Variants in RXYLT1 observed in about 807,000 individuals in gnomAD.
RXYLT1 encodes the protein ribitol xylosyltransferase 1, also known as ribitol-5-phosphate xylosyltransferase 1.
Under a neutral mutation model 43.5 loss-of-function variants are expected in RXYLT1, and 41 were observed. That is an observed-to-expected ratio of 0.94 (90% CI 0.73 to 1.22). RXYLT1 has a LOEUF of 1.22. RXYLT1 is among the 50% of genes most tolerant of loss of function. RXYLT1 has a pLI of 0.00. For synonymous variants in RXYLT1, 166 were observed against 194.4 expected, an observed-to-expected ratio of 0.85 and a Z score of 1.21; for missense variants, 514 against 532.0, an observed-to-expected ratio of 0.97 and a Z score of 0.33.
Position 63,787,186 on chromosome 12 carries a change from CTTTA to C in RXYLT1, c.428+2117_428+2120del, listed in dbSNP as rs1366518549. On this transcript the variant is annotated intron_variant, in intron 3 of 5. Coordinates refer to ENST00000261234, the MANE Select transcript of RXYLT1 (RefSeq NM_014254.3). ...CTACATTTTTGGAATATTCTGAATCCTTTATTGTCACTTCACCAATGTTCACAAC... is the reference window on the plus strand; with the variant it reads ...CTACATTTTTGGAATATTCTGAATCCTTGTCACTTCACCAATGTTCACAAC... Among the ~76,000 whole-genome samples, 10 of 152,260 alleles carry C rather than the reference CTTTA, an allele frequency of 6.6e-5. No individual in the cohort carries two copies. The East Asian group carries it at 1.9e-3, about 29-fold the overall frequency.
chr12:63,780,044 C>G lies in RXYLT1; in HGVS notation c.84C>G (p.Phe28Leu), dbSNP rs200123669. ...CCCTCTACGCTGCCTACCACGTCTTCTTCGGGCGCCGCCGCCAGGCGCCGG... is the reference window on the plus strand; with the variant it reads ...CCCTCTACGCTGCCTACCACGTCTTGTTCGGGCGCCGCCGCCAGGCGCCGG... Reference protein sequence around the residue: ...LFSLYAAYHVFFGRRRQAPAG... With the variant: ...LFSLYAAYHVLFGRRRQAPAG... Residue 28 changes from phenylalanine to leucine, a missense_variant, in exon 1 of 6, where the codon TTC (phenylalanine) becomes TTG (leucine). By Grantham distance (22) the Phe-to-Leu change is conservative (BLOSUM62 0). Transcript: ENST00000261234. 3 of 1,607,214 alleles carry G rather than the reference C, an allele frequency of 1.9e-6. No homozygotes were observed. Among genetic ancestry groups the G allele is most frequent in the Non-Finnish European group, 2.5e-6 (3 of 1,178,034 alleles).
At chr12:63,807,427 C>T (rs2136234340) in intron 5 of RXYLT1, 1 of 152,356 alleles carries the variant, frequency 6.6e-6, no homozygotes, top group South Asian at 2.1e-4. Context: ...TCTTATATTT[C>T]CCTTGTCCAT....
chr12:63,808,829 A>G lies in RXYLT1; in HGVS notation c.1069A>G (p.Met357Val). Residue 357 changes from methionine (M) to valine (V), a missense_variant, in exon 6 of 6, where the codon ATG becomes GTG. Physicochemically the swap from Met to Val is conservative, Grantham distance 21. Coordinates refer to ENST00000261234, the MANE Select transcript of RXYLT1 (RefSeq NM_014254.3). The stretch of plus-strand genomic sequence containing the variant: ...CTCCATTCCTGTGGTGGAAGACGTG[A>G]TGACAGCTGGCAACTGTGGGAATAC... Reference protein sequence around the residue: ...YGSIPVVEDVMTAGNCGNTSV... With the variant: ...YGSIPVVEDVVTAGNCGNTSV... 1 of 1,614,148 alleles carries G rather than the reference A, an allele frequency of 6.2e-7. No homozygotes were observed. The highest frequency in any genetic ancestry group is 8.5e-7 in the Non-Finnish European group (1 of 1,180,014).
chr12:63,802,453 T>A (rs761237366), intron 4 of RXYLT1, 48 bp downstream of exon 4: 1 of 1,481,852 alleles, frequency 6.7e-7, no homozygotes, highest in Admixed American at 2.4e-5. Context: ...ACACCTGAAT[T>A]TCTGAACCAG....
chr12:63,784,053 A>G (rs1897747229), intron 2 of RXYLT1, among the ~76,000 whole-genome samples: 1 of 152,214 alleles, frequency 6.6e-6, no homozygotes, highest in Non-Finnish European at 1.5e-5. Context: ...TAGATAATCT[A>G]TAATAATCTC....
chr12:63,802,287 G>A lies in RXYLT1; in HGVS notation c.625G>A (p.Glu209Lys), dbSNP rs1233948249. The A allele has an allele frequency of 8.1e-6, 13 of 1,613,988 alleles. No homozygotes were observed. Among genetic ancestry groups the A allele is most frequent in the African/African-American group, 6.7e-5 (5 of 74,936 alleles). ...VLLGNEHCDNEWINPFLKRNG... is the reference protein window; with the variant it reads ...VLLGNEHCDNKWINPFLKRNG... ...GCTCGGAAATGAACATTGTGATAAT[G>A]AGTGGATAAACCCATTCCTCAAAAG... Residue 209 changes from glutamate (E) to lysine (K), a missense_variant, in exon 4 of 6, where the codon GAG (glutamate) becomes AAG (lysine). Glu to Lys is a moderately conservative substitution (Grantham distance 56, BLOSUM62 1). Coordinates refer to ENST00000261234, the MANE Select transcript of RXYLT1 (RefSeq NM_014254.3).
intron 3 of RXYLT1, among the ~76,000 whole-genome samples, chr12:63,790,126 T>A (rs1162510498): frequency 6.6e-6 from 1 of 152,132 alleles, no homozygotes; most frequent in African/African-American, 2.4e-5. Flanking sequence ...AAGAATGAAT[T>A]CCAGCATACC....
chr12:63,790,166 TGTCA>T (rs1202405539), intron 3 of RXYLT1, among the ~76,000 whole-genome samples: 2 of 152,196 alleles, frequency 1.3e-5, no homozygotes, highest in African/African-American at 2.4e-5. Flanking sequence ...GAAAGAGAGC[TGTCA>T]GTCAGGCCAT....
At position 63,781,155 on chromosome 12, in the gene RXYLT1, C is replaced by A. The variant is rs1268911396; in HGVS notation, c.306C>A (p.Ile102=). ...TKGKTDLSVQ[I]WGKAAIGLYL... Reference sequence around the variant, plus strand: ...GAAAAACAGATCTCAGTGTACAAATCTGGGGCAAAGCTGCCATTGGTAAGT... The same window carrying A: ...GAAAAACAGATCTCAGTGTACAAATATGGGGCAAAGCTGCCATTGGTAAGT... Residue 102 remains isoleucine (I), a synonymous_variant, in exon 2 of 6, where the codon ATC becomes ATA. Coordinates refer to ENST00000261234, the MANE Select transcript of RXYLT1 (RefSeq NM_014254.3). 1.3e-6 allele frequency: 2 copies of A among 1,579,976 alleles called. No individual in the cohort carries two copies. Among genetic ancestry groups the A allele is most frequent in the African/African-American group, 1.4e-5 (1 of 73,372 alleles).
Position 63,802,538 on chromosome 12 carries a change from T to C in RXYLT1, c.743+133T>C, listed in dbSNP as rs1592853871. 9.3e-6 allele frequency: 7 copies of C among 756,524 alleles called. No individual in the cohort carries two copies. The East Asian group carries it at 2.0e-4, about 22-fold the overall frequency. The allele number at this position is 756,524 out of a possible 1,614,324, so 46.9% of individuals were successfully genotyped here. ...GGCCAGGTACAGTCTTTCTCAGAGATAAAAACAGGGTGTGGTCGCATCCTT... is the reference window on the plus strand; with the variant it reads ...GGCCAGGTACAGTCTTTCTCAGAGACAAAAACAGGGTGTGGTCGCATCCTT... On this transcript the variant is annotated intron_variant, in intron 4 of 5. Coordinates refer to ENST00000261234, the MANE Select transcript of RXYLT1 (RefSeq NM_014254.3).
chr12:63,801,602 T>G (rs962824164), intron 3 of RXYLT1, among the ~76,000 whole-genome samples: 1 of 152,116 alleles, frequency 6.6e-6, no homozygotes, highest in Non-Finnish European at 1.5e-5. Flanking sequence ...GGTGGATTGC[T>G]TCAGCCAAGG....
rs1268267577 is a variant in RXYLT1, at chr12:63,794,543, C to T, written c.429-7548C>T. Among the ~76,000 whole-genome samples, 7 of 152,302 alleles carry T rather than the reference C, an allele frequency of 4.6e-5. No individual in the cohort carries two copies. In the South Asian group the frequency reaches 1.2e-3, roughly 27 times the overall value. On this transcript the variant is annotated intron_variant, in intron 3 of 5. Transcript: ENST00000261234. ...CTCCTTCCTAGTCTACGGAAATGGG[C>T]ATTAGTGTCTCCTTGCAAACTCAGA...
chr12:63,789,787 A>G (rs891936815), intron 3 of RXYLT1, among the ~76,000 whole-genome samples: 4 of 152,198 alleles, frequency 2.6e-5, no homozygotes, highest in East Asian at 1.9e-4. Flanking sequence ...TTTATCCAAA[A>G]TTAATAAACT....
intron 5 of RXYLT1, chr12:63,806,963 C>G (rs902555646): frequency 6.6e-6 from 1 of 152,456 alleles, no homozygotes; most frequent in Non-Finnish European, 1.5e-5. Context: ...ACCTCCCCTC[C>G]TCCAATAATC....
intron 4 of RXYLT1, 80 bp downstream of exon 4, chr12:63,802,485 A>T: frequency 7.3e-7 from 1 of 1,370,932 alleles, no homozygotes; most frequent in Non-Finnish European, 9.8e-7. Context: ...CAAAATTGTA[A>T]TAAATTTAGT....
chr12:63,780,155 C>A, intron 1 of RXYLT1, 26 bp downstream of exon 1: 1 of 1,441,658 alleles, frequency 6.9e-7, no homozygotes, highest in South Asian at 1.5e-5. Flanking sequence ...CGGCTTCCTT[C>A]CGGCTCTGCG....
chr12:63,792,829 TGATA>T (rs2136226189), intron 3 of RXYLT1, among the ~76,000 whole-genome samples: 1 of 152,328 alleles, frequency 6.6e-6, no homozygotes, highest in Non-Finnish European at 1.5e-5. Context: ...CCCTTTAACA[TGATA>T]GATTAGTCCA....
chr12:63,781,412 T>C (rs1565898395), intron 2 of RXYLT1, among the ~76,000 whole-genome samples: 3 of 152,234 alleles, frequency 2.0e-5, no homozygotes, highest in African/African-American at 7.2e-5. Context: ...CATTTATTGA[T>C]ACATTGAGTA....
Position 63,808,320 on chromosome 12 carries a change from ACTTCACTTGGTCACTATCCAT to A in RXYLT1, c.915-352_915-332del, listed in dbSNP as rs1898356971. On this transcript the variant is annotated intron_variant, in intron 5 of 5. Transcript: ENST00000261234. The stretch of plus-strand genomic sequence containing the variant: ...TCTACCCCATCTAAATAATTTACTG[ACTTCACTTGGTCACTATCCAT>A]CTCCACCACTAGAACTAGAATATAT... 8.4e-5 allele frequency: 22 copies of A among 262,038 alleles called. No individual in the cohort carries two copies. The South Asian group carries it at 1.1e-3, about 13-fold the overall frequency. 16.2% of individuals were successfully genotyped at this position (262,038 alleles called of 1,614,324 possible). A position where few individuals can be genotyped will look rare whatever the true frequency, so the allele number is the denominator to read the frequency against.
Sources: allele counts gnomAD v4.1 joint callset (sites outside exome capture counted in the v4.1 genomes callset), GRCh38; gene constraint gnomAD v4.1.1; transcripts MANE v1.5; gene names NCBI Gene and HGNC (gene_info 2026-07-23, HGNC 2026-07-21).